The following FAR2 variants were observed in gnomAD, a reference collection of about 807,000 sequenced individuals.
FAR2 encodes epididymis secretory protein Li 81.
FAR2 carries 19 observed loss-of-function variants against 56.0 expected under a neutral mutation model. The observed-to-expected ratio is 0.34, with a 90% CI of 0.24 to 0.50. The LOEUF (loss-of-function observed/expected upper bound fraction) is 0.50. Ranked by LOEUF, FAR2 falls within the 20% of genes least tolerant of loss-of-function variation. The pLI is 0.98. For missense variants in FAR2, 508 were observed against 642.2 expected (o/e 0.79, Z 2.26); for synonymous variants, 219 against 218.8 (o/e 1.00, Z -0.01).
chr12:29,308,335 G>A (rs1186725910), intron 5 of FAR2, among the ~76,000 whole-genome samples: 2 of 152,152 alleles, frequency 1.3e-5, no homozygotes, highest in Admixed American at 1.3e-4. Context: ...TGAAGCTTTG[G>A]GGTAGATAAA....
intron 1 of FAR2, among the ~76,000 whole-genome samples, chr12:29,207,651 T>TATTAGCCATG (rs772200574): frequency 2.0e-5 from 3 of 152,192 alleles, no homozygotes; most frequent in Non-Finnish European, 4.4e-5. Flanking sequence ...GTTATGATCA[T>TATTAGCCATG]ATTATGGCTA....
intron 1 of FAR2, among the ~76,000 whole-genome samples, chr12:29,226,768 C>G (rs1947775649): frequency 6.6e-6 from 1 of 152,058 alleles, no homozygotes; most frequent in Admixed American, 6.5e-5. Flanking sequence ...TCTAACCATG[C>G]TTTTTTGTGT....
chr12:29,166,378 C>T (rs1949828368), intron 1 of FAR2, among the ~76,000 whole-genome samples: 1 of 151,886 alleles, frequency 6.6e-6, no homozygotes, highest in African/African-American at 2.4e-5. Context: ...TATGTGAGTC[C>T]CTGAGTAACC....
chr12:29,261,402 A>G (rs1948415746), intron 1 of FAR2, among the ~76,000 whole-genome samples: 1 of 152,210 alleles, frequency 6.6e-6, no homozygotes, highest in Non-Finnish European at 1.5e-5. Context: ...AAGATAAAAG[A>G]AGAAAAAAAG....
chr12:29,299,944 G>C (rs976319659), intron 4 of FAR2, among the ~76,000 whole-genome samples: 3 of 152,156 alleles, frequency 2.0e-5, no homozygotes, highest in Non-Finnish European at 4.4e-5. Context: ...CTGTATTATT[G>C]CTTGTAACAC....
At chr12:29,292,835 G>T (rs192951690) in intron 2 of FAR2, among the ~76,000 whole-genome samples, 2 of 152,150 alleles carry the variant, frequency 1.3e-5, no homozygotes, top group Admixed American at 1.3e-4. Flanking sequence ...TGGAAGTTAG[G>T]TCAGTCCTCA....
chr12:29,324,500 A>G (rs1336744249), intron 10 of FAR2, among the ~76,000 whole-genome samples: 1 of 152,228 alleles, frequency 6.6e-6, no homozygotes, highest in African/African-American at 2.4e-5. Flanking sequence ...AGCCAGAGAG[A>G]AAGGTCGGGT....
chr12:29,154,435 T>G (rs1949708296), intron 1 of FAR2, among the ~76,000 whole-genome samples: 1 of 151,724 alleles, frequency 6.6e-6, no homozygotes, highest in Non-Finnish European at 1.5e-5. Context: ...TGTTTTGTTT[T>G]GTTTTGTTTT....
chr12:29,248,304 T>C (rs1208834957), intron 1 of FAR2, among the ~76,000 whole-genome samples: 3 of 152,148 alleles, frequency 2.0e-5, no homozygotes, highest in African/African-American at 2.4e-5. Context: ...TCCTTAAGCA[T>C]CGGCCAGCTT....
chr12:29,236,708 C>T lies in FAR2; in HGVS notation c.-38-33704C>T, dbSNP rs535351504. ...GTGTGGGGATTATAGGTCCCTCCCTCGACACCTGGGGATTACAATTCCAGA... is the reference window on the plus strand; with the variant it reads ...GTGTGGGGATTATAGGTCCCTCCCTTGACACCTGGGGATTACAATTCCAGA... On this transcript the variant is annotated intron_variant, in intron 1 of 11. Coordinates refer to ENST00000536681, the MANE Select transcript of FAR2 (RefSeq NM_001271783.2). Among the ~76,000 whole-genome samples, 4 of 152,080 alleles carry T rather than the reference C, an allele frequency of 2.6e-5. No homozygotes were observed. The South Asian group carries it at 8.3e-4, about 32-fold the overall frequency.
intron 1 of FAR2, among the ~76,000 whole-genome samples, chr12:29,215,974 C>G (rs1003417110): frequency 6.6e-6 from 1 of 152,154 alleles, no homozygotes; most frequent in African/African-American, 2.4e-5. Context: ...GTCAACATAA[C>G]TCTACCTCAG....
intron 1 of FAR2, among the ~76,000 whole-genome samples, chr12:29,154,414 G>GTT (rs66603297): frequency 7.1e-6 from 1 of 141,412 alleles, no homozygotes; most frequent in Non-Finnish European, 1.5e-5. Context: ...TTTTGTTTTT[G>GTT]TTTTTTTTTT....
intron 1 of FAR2, among the ~76,000 whole-genome samples, chr12:29,177,929 T>C (rs527509859): frequency 1.7e-4 from 26 of 152,294 alleles, no homozygotes; most frequent in African/African-American, 6.0e-4. Flanking sequence ...GGAAGAATCA[T>C]GCAAAAAGAA....
chr12:29,324,607 A>G (rs919058677), intron 10 of FAR2, among the ~76,000 whole-genome samples: 9 of 152,224 alleles, frequency 5.9e-5, no homozygotes, highest in Non-Finnish European at 1.3e-4. Context: ...ACATTCTTAA[A>G]GAAAAGAATT....
intron 1 of FAR2, among the ~76,000 whole-genome samples, chr12:29,262,184 T>G (rs1180338335): frequency 6.6e-6 from 1 of 151,504 alleles, no homozygotes; most frequent in Admixed American, 6.6e-5. Context: ...AGTGTAGAGT[T>G]TTTATTAGTT....
intron 1 of FAR2, among the ~76,000 whole-genome samples, chr12:29,260,020 C>A (rs902040900): frequency 1.3e-5 from 2 of 152,032 alleles, no homozygotes; most frequent in Admixed American, 6.5e-5. Flanking sequence ...GAAGGGGGAC[C>A]TTCTAGAGTT....
intron 2 of FAR2, among the ~76,000 whole-genome samples, chr12:29,288,385 G>T (rs1166800269): frequency 6.6e-6 from 1 of 152,108 alleles, no homozygotes; most frequent in Non-Finnish European, 1.5e-5. Flanking sequence ...GAAGAAACAG[G>T]ATAAGCTCTT....
At chr12:29,176,978 C>A (rs1160003575) in intron 1 of FAR2, among the ~76,000 whole-genome samples, 2 of 152,238 alleles carry the variant, frequency 1.3e-5, no homozygotes, top group Non-Finnish European at 2.9e-5. Context: ...TTTAGCCATG[C>A]TGACCTCCTG....
In FAR2 at chr12:29,183,909, A is replaced by G. The variant is rs556147106; in HGVS notation, c.-39+34502A>G. On this transcript the variant is annotated intron_variant, in intron 1 of 11. Transcript: ENST00000536681. ...AGATGCCTTCAGATTTTCAGAATCT[A>G]TACCACCTCATTATTTTATTAGGAA... 1.2e-3 allele frequency among the ~76,000 whole-genome samples: 178 copies of G among 152,350 alleles called. 1 individual carries two copies. Among genetic ancestry groups the G allele is most frequent in the African/African-American group, 4.2e-3 (173 of 41,578 alleles).
Sources: gnomAD v4.1 joint callset for allele counts (sites outside exome capture counted in the v4.1 genomes callset) on GRCh38, gnomAD v4.1.1 for gene constraint, MANE v1.5 for transcripts, NCBI Gene and HGNC (gene_info 2026-07-23, HGNC 2026-07-21) for gene names.